ENOX2: variants seen among roughly 807,000 people sequenced by gnomAD.
ENOX2 encodes ecto-NOX disulfide-thiol exchanger 2.
In ENOX2, 36 loss-of-function variants were observed where a neutral mutation model predicts 45.0. That is an observed-to-expected ratio of 0.80 (90% CI 0.61 to 1.06). ENOX2 has a LOEUF of 1.06. Ranked by LOEUF, ENOX2 falls within the 50% of genes least tolerant of loss-of-function variation. The pLI is 0.00. For missense variants in ENOX2, 423 were observed against 462.5 expected (o/e 0.91, Z 0.78); for synonymous variants, 174 against 152.3 (o/e 1.14, Z -1.05).
Position 130,753,901 on chromosome X carries a change from A to C in ENOX2, c.-39+29646T>G, listed in dbSNP as rs192591072. 3.8e-3 allele frequency among the ~76,000 whole-genome samples: 417 copies of C among 111,176 alleles called. 2 individuals are homozygous for C. Among genetic ancestry groups the C allele is most frequent in the African/African-American group, 0.013 (403 of 30,629 alleles). The stretch of plus-strand genomic sequence containing the variant: ...GTAGAAGGACTGCTGGATCATATGG[A>C]AAGGGGTGGGGAGCATGGGGAGAGG... On this transcript the variant is annotated intron_variant, in intron 3 of 14. Transcript: ENST00000394363.
chrX:130,883,820 C>T (rs1044328087), intron 2 of ENOX2, among the ~76,000 whole-genome samples: 4 of 111,714 alleles, frequency 3.6e-5, no homozygotes, highest in African/African-American at 1.3e-4. Flanking sequence ...CCAGAACCTA[C>T]AAATCTCCCT....
intron 10 of ENOX2, among the ~76,000 whole-genome samples, chrX:130,649,318 C>CA (rs375062441): frequency 0.02 from 1,741 of 85,742 alleles, 20 homozygotes; most frequent in Middle Eastern, 0.046. Context: ...CAAGTATATA[C>CA]AAAAAAAAAA....
intron 3 of ENOX2, among the ~76,000 whole-genome samples, chrX:130,742,245 C>CCTTTTTTTTTTTTTTTTTTTTTTTT (rs2039000026): frequency 1.7e-5 from 1 of 60,171 alleles, no homozygotes; most frequent in African/African-American, 7.0e-5. Context: ...AGATAATTTC[C>CCTTTTTTTTTTTTTTTTTTTTTTTT]TTTTTTTTTT....
chrX:130,763,142 G>A (rs2039532222), intron 3 of ENOX2, among the ~76,000 whole-genome samples: 1 of 111,591 alleles, frequency 9.0e-6, no homozygotes, highest in Admixed American at 9.5e-5. Context: ...AGTCACTCTT[G>A]CTTTCTTTTG....
At chrX:130,627,836 C>A in intron 14 of ENOX2, 122 bp downstream of exon 14, 1 of 522,221 alleles carries the variant, frequency 1.9e-6, no homozygotes, top group Admixed American at 2.4e-5. Flanking sequence ...AGTGAGAGAG[C>A]AGGTGAGGGA....
At chrX:130,765,795 T>A (rs2039601932) in intron 3 of ENOX2, among the ~76,000 whole-genome samples, 2 of 111,674 alleles carry the variant, frequency 1.8e-5, no homozygotes, top group African/African-American at 6.5e-5. Context: ...TCAGAGAAAA[T>A]GCCAAAATTG....
In ENOX2 at chrX:130,644,292, A is replaced by C. The variant is rs2036165821; in HGVS notation, c.1130-6882T>G. On this transcript the variant is annotated intron_variant, in intron 10 of 14. Transcript: ENST00000394363. ...TACCTTAGGAAACTAAAACAAGAAG[A>C]ACAAATTAAACAAATCCAAAGTAAG... Among the ~76,000 whole-genome samples the C allele has an allele frequency of 6.2e-5, 7 of 112,453 alleles. 1 individual carries two copies. In the South Asian group the frequency reaches 2.6e-3, roughly 41 times the overall value.
chrX:130,741,573 G>A (rs1451954595), intron 3 of ENOX2, among the ~76,000 whole-genome samples: 2 of 111,720 alleles, frequency 1.8e-5, no homozygotes, highest in African/African-American at 6.5e-5. Flanking sequence ...AGTAGTCTAA[G>A]AAACTTCAGG....
intron 3 of ENOX2, among the ~76,000 whole-genome samples, chrX:130,739,299 G>C (rs1478180630): frequency 8.9e-6 from 1 of 111,966 alleles, no homozygotes. Flanking sequence ...TACTGTATAG[G>C]GTACTGTGTT....
At chrX:130,755,252 T>C (rs1237810932) in intron 3 of ENOX2, among the ~76,000 whole-genome samples, 1 of 107,823 alleles carries the variant, frequency 9.3e-6, no homozygotes, top group Non-Finnish European at 1.9e-5. Flanking sequence ...ATGAGGCTAA[T>C]GACAGTAAAT....
In ENOX2 at chrX:130,786,507, C is replaced by T. The variant is rs1256140040; in HGVS notation, c.-182-2817G>A. ...CATGCTGGTGCGCTGCACCCACTAACGTGTCATCTAGCATTAGGTATATCT... is the reference window on the plus strand; with the variant it reads ...CATGCTGGTGCGCTGCACCCACTAATGTGTCATCTAGCATTAGGTATATCT... On this transcript the variant is annotated intron_variant, in intron 2 of 14. Coordinates refer to ENST00000394363, the MANE Select transcript of ENOX2 (RefSeq NM_006375.4). 1.1e-3 allele frequency among the ~76,000 whole-genome samples: 110 copies of T among 95,953 alleles called. 1 individual carries two copies. The highest frequency in any genetic ancestry group is 4.0e-3 in the African/African-American group (104 of 26,193). 83.3% of individuals were successfully genotyped at this position (95,953 alleles called of 115,157 possible). A position where few individuals can be genotyped will look rare whatever the true frequency, so the allele number is the denominator to read the frequency against.
chrX:130,667,823 C>A (rs926062757), intron 7 of ENOX2, 81 bp from the exon 8 acceptor site: 5 of 787,897 alleles, frequency 6.3e-6, no homozygotes, highest in African/African-American at 6.3e-5. Flanking sequence ...AAGAGGGCAT[C>A]ATGATTTTTG....
intron 3 of ENOX2, among the ~76,000 whole-genome samples, chrX:130,755,905 T>C (rs952901567): frequency 9.0e-6 from 1 of 110,934 alleles, no homozygotes; most frequent in African/African-American, 3.3e-5. Context: ...CTGGTAACCA[T>C]CCGTCTACTC....
At chrX:130,817,299 C>T (rs1361701928) in intron 2 of ENOX2, among the ~76,000 whole-genome samples, 2 of 111,675 alleles carry the variant, frequency 1.8e-5, no homozygotes, top group South Asian at 3.8e-4. Context: ...CAAAAAAAGC[C>T]CAGAACCAGA....
chrX:130,650,838 T>C (rs1171258904), intron 10 of ENOX2, among the ~76,000 whole-genome samples: 4 of 111,623 alleles, frequency 3.6e-5, no homozygotes, highest in African/African-American at 1.3e-4. Context: ...CATGTTTCTG[T>C]ACAACAAAAG....
At chrX:130,862,605 T>A (rs1440903827) in intron 2 of ENOX2, among the ~76,000 whole-genome samples, 1 of 110,752 alleles carries the variant, frequency 9.0e-6, no homozygotes, top group Non-Finnish European at 1.9e-5. Flanking sequence ...TGGGTGGGTG[T>A]GTAACATTTG....
intron 2 of ENOX2, among the ~76,000 whole-genome samples, chrX:130,801,550 T>G (rs1472618711): frequency 8.9e-6 from 1 of 112,180 alleles, no homozygotes; most frequent in Non-Finnish European, 1.9e-5. Context: ...AAATATATTA[T>G]GACAAATTAT....
chrX:130,635,065 G>A lies in ENOX2; in HGVS notation c.1338C>T (p.Tyr446=), dbSNP rs753118983. The change falls in exon 12 of 15, where the codon TAC becomes TAT. Residue 446 remains tyrosine, a synonymous_variant. Coordinates refer to ENST00000394363, the MANE Select transcript of ENOX2 (RefSeq NM_006375.4). ...QQHLLKVQEE[Y]KKKEAELEKL... ...TTTCAAGTTCAGCTTCTTTCTTTTT[G>A]TATTCCTCTTGGACTTTGAGTAGAT... The A allele has an allele frequency of 2.5e-6, 3 of 1,176,546 alleles. No individual in the cohort carries two copies. Among genetic ancestry groups the A allele is most frequent in the East Asian group, 6.0e-5 (2 of 33,567 alleles).
chrX:130,676,979 G>A (rs1001262451), intron 6 of ENOX2, among the ~76,000 whole-genome samples: 3 of 111,922 alleles, frequency 2.7e-5, no homozygotes, highest in African/African-American at 9.7e-5. Context: ...GCTAATAACT[G>A]ATATTTTGCC....
Sources: gnomAD v4.1 joint callset for allele counts (sites outside exome capture counted in the v4.1 genomes callset) on GRCh38, gnomAD v4.1.1 for gene constraint, MANE v1.5 for transcripts, NCBI Gene and HGNC (gene_info 2026-07-23, HGNC 2026-07-21) for gene names.